Variants in CELSR1 observed in about 807,000 individuals in gnomAD.
CELSR1 encodes cadherin EGF LAG seven-pass G-type receptor 1.
A neutral mutation model predicts 249.1 loss-of-function variants in CELSR1; 110 were observed. The observed-to-expected ratio is 0.44, with a 90% CI of 0.38 to 0.52. The LOEUF is 0.52. Ranked by LOEUF, CELSR1 falls within the 20% of genes least tolerant of loss-of-function variation. The probability of loss-of-function intolerance (pLI) is 0.00; values close to 1 mark genes in which losing one functional copy is unlikely to be tolerated. For synonymous variants in CELSR1, 2,113 were observed against 1,900.0 expected, an observed-to-expected ratio of 1.11 and a Z score of -2.92; for missense variants, 4,109 against 4,296.4, an observed-to-expected ratio of 0.96 and a Z score of 1.22.
chr22:46,416,180 T>C (rs2079399424), intron 5 of CELSR1, among the ~76,000 whole-genome samples: 1 of 151,220 alleles, frequency 6.6e-6, no homozygotes, highest in African/African-American at 2.4e-5. Flanking sequence ...GTTTGCCACA[T>C]ATTTATACAA....
chr22:46,507,643 G>A (rs1204053513), intron 1 of CELSR1, among the ~76,000 whole-genome samples: 1 of 152,080 alleles, frequency 6.6e-6, no homozygotes, highest in Non-Finnish European at 1.5e-5. Context: ...TCCTCCTCCT[G>A]CCTCGCCCGC....
chr22:46,416,763 G>T (rs1428027094), intron 5 of CELSR1, among the ~76,000 whole-genome samples: 1 of 152,134 alleles, frequency 6.6e-6, no homozygotes, highest in Non-Finnish European at 1.5e-5. Context: ...TTCCTTCGAG[G>T]TATTTTCTTC....
At position 46,363,851 on chromosome 22, in the gene CELSR1, C is replaced by CTCCCCCA; in HGVS notation, c.9035+138_9035+144dup. ...TGACCTCAGCTGCAGCGCCTCCCCC[C>CTCCCCCA]TCCCCCATCCCCGCCTGGGCTTCCT... On this transcript the variant is annotated intron_variant, in intron 34 of 34. Coordinates refer to ENST00000674500, the MANE Select transcript of CELSR1 (RefSeq NM_001378328.1). This position sits in a 1 kb window ranked among gnomAD's most constrained non-coding sequence, Gnocchi z 4.3. The CTCCCCCA allele has an allele frequency of 1.7e-6, 2 of 1,143,038 alleles. No individual in the cohort carries two copies. Among genetic ancestry groups the CTCCCCCA allele is most frequent in the South Asian group, 1.7e-5 (1 of 58,422 alleles). The allele number at this position is 1,143,038 out of a possible 1,614,324, so 70.8% of individuals were successfully genotyped here. A position where few individuals can be genotyped will look rare whatever the true frequency, so the allele number is the denominator to read the frequency against.
rs1248188952 is a variant in CELSR1 at position 46,423,987 on chromosome 22, C to A, written c.4611+9406G>T. Among the ~76,000 whole-genome samples the A allele has an allele frequency of 6.6e-6, 1 of 152,068 alleles. No individual in the cohort carries two copies. The highest frequency in any genetic ancestry group is 1.5e-5 in the Non-Finnish European group (1 of 67,998). ...TCTCAAAACAAACAAAGAAAAAAAA[C>A]ACAAGTTTGTTGTTTTGGAGAGCAT... On this transcript the variant is annotated intron_variant, in intron 5 of 34. Coordinates refer to ENST00000674500, the MANE Select transcript of CELSR1 (RefSeq NM_001378328.1). The surrounding 1 kb of genome is among the most constrained non-coding windows in gnomAD (Gnocchi z 5.6).
chr22:46,406,924 C>G lies in CELSR1; in HGVS notation c.5226+2072G>C, dbSNP rs1386514713. ...ACGGAGCAAAGGCAATAAGGCATGG[C>G]TCCGCCACGGCACACAGCTGATGGC... On this transcript the variant is annotated intron_variant, in intron 9 of 34. Transcript: ENST00000674500. The surrounding 1 kb of genome is among the most constrained non-coding windows in gnomAD (Gnocchi z 5.4). 6.6e-6 allele frequency among the ~76,000 whole-genome samples: 1 copy of G among 152,252 alleles called. No homozygotes were observed. Among genetic ancestry groups the G allele is most frequent in the Non-Finnish European group, 1.5e-5 (1 of 68,046 alleles).
chr22:46,464,098 C>T lies in CELSR1; in HGVS notation c.3792G>A (p.Ala1264=), dbSNP rs201278418. The T allele has an allele frequency of 6.1e-5, 99 of 1,613,814 alleles. No homozygotes were observed. In the African/African-American group the frequency reaches 6.7e-4, roughly 11 times the overall value. ...SSNILNVTFS[A]LLPGGVRGQF... is the part of the protein sequence containing the mutation. The stretch of plus-strand genomic sequence containing the variant: ...GGCCGCGGACGCCGCCAGGCAGCAG[C>T]GCCGAGAAGGTCACGTTCAGGATGT... The change falls in exon 2 of 35, where the codon GCG becomes GCA. Residue 1264 remains alanine (A), a synonymous_variant. Transcript: ENST00000674500. The surrounding 1 kb of genome is among the most constrained non-coding windows in gnomAD (Gnocchi z 8.5).
At chr22:46,508,869 C>T (rs953362033) in intron 1 of CELSR1, among the ~76,000 whole-genome samples, 2 of 152,162 alleles carry the variant, frequency 1.3e-5, no homozygotes, top group Non-Finnish European at 2.9e-5. Flanking sequence ...CCCCGGGGAC[C>T]GCCATGCAGT....
At chr22:46,461,821 C>T (rs979135799) in intron 2 of CELSR1, among the ~76,000 whole-genome samples, 3 of 152,232 alleles carry the variant, frequency 2.0e-5, no homozygotes, top group Non-Finnish European at 2.9e-5. Context: ...GTCGACGAAG[C>T]GCCCCCCACC....
chr22:46,416,108 G>GGTGGGGGGGGC (rs1555913215), intron 5 of CELSR1, among the ~76,000 whole-genome samples: 1 of 127,570 alleles, frequency 7.8e-6, no homozygotes, highest in Non-Finnish European at 1.8e-5. Flanking sequence ...GTTGCAGAGG[G>GGTGGGGGGGGC]GGGCGGATAA....
chr22:46,504,215 A>G (rs2080491944), intron 1 of CELSR1, among the ~76,000 whole-genome samples: 1 of 152,200 alleles, frequency 6.6e-6, no homozygotes, highest in Non-Finnish European at 1.5e-5. Flanking sequence ...CAATTCACAG[A>G]AAAAACAGGA....
intron 1 of CELSR1, among the ~76,000 whole-genome samples, chr22:46,498,806 C>T (rs1040330206): frequency 2.2e-4 from 34 of 151,854 alleles, no homozygotes; most frequent in African/African-American, 5.3e-4. Flanking sequence ...ACTAAGCCTC[C>T]GCCCCCTAAC....
At chr22:46,508,523 G>A (rs2080540025) in intron 1 of CELSR1, among the ~76,000 whole-genome samples, 1 of 149,960 alleles carries the variant, frequency 6.7e-6, no homozygotes. Context: ...TCACAGCCGG[G>A]GTCCCCTCCC....
Position 46,390,564 on chromosome 22 carries a change from G to T in CELSR1, c.6251-78C>A. ...GCTTGTGTATTTCAATCCACAATCT[G>T]AATATACTTAAACCCAGAACACTGC... is the stretch of plus-strand genomic sequence containing the variant. On this transcript the variant is annotated intron_variant, in intron 16 of 34. Transcript: ENST00000674500. This position sits in a 1 kb window ranked among gnomAD's most constrained non-coding sequence, Gnocchi z 6.3. The T allele has an allele frequency of 8.3e-7, 1 of 1,198,160 alleles. No individual in the cohort carries two copies. Among genetic ancestry groups the T allele is most frequent in the Non-Finnish European group, 1.2e-6 (1 of 824,872 alleles). The allele number at this position is 1,198,160 out of a possible 1,614,324, so 74.2% of individuals were successfully genotyped here.
At chr22:46,478,660 A>C (rs571663751) in intron 1 of CELSR1, among the ~76,000 whole-genome samples, 1 of 150,892 alleles carries the variant, frequency 6.6e-6, no homozygotes, top group East Asian at 2.0e-4. Flanking sequence ...CTCCTGCCTC[A>C]GCCTCCCAAG....
In CELSR1 at chr22:46,377,045, A is replaced by T; in HGVS notation, c.7584+16T>A. The T allele has an allele frequency of 6.2e-7, 1 of 1,610,904 alleles. No individual in the cohort carries two copies. The highest frequency in any genetic ancestry group is 8.5e-7 in the Non-Finnish European group (1 of 1,179,430). ...CTGCGGCCCAGACAGTGGGGAGGGG[A>T]GCAGAGTGGCCATACCGGGTTTTCC... On this transcript the variant is annotated intron_variant, in intron 24 of 34. Coordinates refer to ENST00000674500, the MANE Select transcript of CELSR1 (RefSeq NM_001378328.1).
rs373648359 is a variant in CELSR1, at chr22:46,409,213, G to T, written c.5060-51C>A. The T allele has an allele frequency of 6.3e-6, 10 of 1,590,278 alleles. No homozygotes were observed. Among genetic ancestry groups the T allele is most frequent in the African/African-American group, 1.4e-5 (1 of 73,950 alleles). On this transcript the variant is annotated intron_variant, in intron 8 of 34. Transcript: ENST00000674500. This position sits in a 1 kb window ranked among gnomAD's most constrained non-coding sequence, Gnocchi z 9.8. ...AGGTGTCTCCCGAAATCACACGGCC[G>T]CGGACTTGGCTGCAGGGGCGGGGGA...
intron 1 of CELSR1, among the ~76,000 whole-genome samples, chr22:46,489,571 G>T (rs1253622944): frequency 1.3e-5 from 2 of 152,172 alleles, no homozygotes; most frequent in South Asian, 4.1e-4. Context: ...ACAGAGCTGG[G>T]TTTCTCTCAT....
rs2078943900 is a variant in CELSR1, at chr22:46,378,573, C to T, written c.7383+18G>A. ...GCGGTAGGCCCAGAGGGCACAGTGG[C>T]CACGGGAGGATGCCCACCTCACGCC... On this transcript the variant is annotated intron_variant, in intron 23 of 34. Transcript: ENST00000674500. 5.8e-6 allele frequency: 9 copies of T among 1,551,846 alleles called. No homozygotes were observed. The East Asian group carries it at 1.9e-4, about 33-fold the overall frequency.
rs142450655 is a variant in CELSR1, at chr22:46,394,148, T to C, written c.5958A>G (p.Gln1986=). Residue 1986 remains glutamine, a synonymous_variant, in exon 14 of 35, where the codon CAA becomes CAG. Coordinates refer to ENST00000674500, the MANE Select transcript of CELSR1 (RefSeq NM_001378328.1). Reference sequence around the variant, plus strand: ...CATGGGGGCGGGGCCTCACCTTGCATTGGCACTGGCCGTTGGTCTTATTAC... The same window carrying C: ...CATGGGGGCGGGGCCTCACCTTGCACTGGCACTGGCCGTTGGTCTTATTAC... ...PDCNKTNGQC[Q]CKENYYKLLA... is the part of the protein sequence containing the mutation. 300 of 1,613,650 alleles carry C rather than the reference T, an allele frequency of 1.9e-4. No individual in the cohort carries two copies. The highest frequency in any genetic ancestry group is 2.2e-4 in the Non-Finnish European group (262 of 1,179,764).
Sources: allele counts gnomAD v4.1 joint callset (sites outside exome capture counted in the v4.1 genomes callset), GRCh38; gene constraint gnomAD v4.1.1; non-coding constraint Gnocchi (gnomAD v3.1); transcripts MANE v1.5; gene names NCBI Gene and HGNC (gene_info 2026-07-23, HGNC 2026-07-21).